The following GABRB3 variants were observed in gnomAD, a reference collection of about 807,000 sequenced individuals.
GABRB3 encodes the protein gamma-aminobutyric acid type A receptor subunit beta3.
A neutral mutation model predicts 52.1 loss-of-function variants in GABRB3; 14 were observed. The ratio of observed to expected loss-of-function variants is 0.27; its 90% confidence interval spans 0.18 to 0.42. The LOEUF is 0.42. Ranked by LOEUF, GABRB3 falls within the 10% of genes least tolerant of loss-of-function variation. The pLI is 1.00. For missense variants in GABRB3, 307 were observed against 609.1 expected (o/e 0.50, Z 5.22); for synonymous variants, 260 against 232.3 (o/e 1.12, Z -1.08).
chr15:26,739,855 G>T (rs995422769), intron 3 of GABRB3, among the ~76,000 whole-genome samples: 1 of 152,120 alleles, frequency 6.6e-6, no homozygotes, highest in Non-Finnish European at 1.5e-5. Flanking sequence ...TTATAAAACA[G>T]AAAACAGGAT....
intron 4 of GABRB3, among the ~76,000 whole-genome samples, chr15:26,606,808 A>ATAGATAGATAGATAGATAGATATATT (rs750566618): frequency 1.2e-5 from 1 of 84,774 alleles, no homozygotes; most frequent in Non-Finnish European, 2.4e-5. Flanking sequence ...ATATATCTAT[A>ATAGATAGATAGATAGATAGATATATT]GATAGATAGA....
intron 7 of GABRB3, among the ~76,000 whole-genome samples, chr15:26,564,097 C>T (rs1388329564): frequency 3.3e-5 from 5 of 152,006 alleles, no homozygotes; most frequent in African/African-American, 7.3e-5. Context: ...AAATCTGGAA[C>T]GTTTTGAGCA....
chr15:26,645,003 T>C (rs943127497), intron 3 of GABRB3, among the ~76,000 whole-genome samples: 7 of 152,208 alleles, frequency 4.6e-5, no homozygotes, highest in African/African-American at 7.2e-5. Flanking sequence ...CAACACTTTT[T>C]GTAAGAGGCT....
At position 26,701,315 on chromosome 15, in the gene GABRB3, C is replaced by G. The variant is rs945345977; in HGVS notation, c.240+71087G>C. 5.2e-4 allele frequency among the ~76,000 whole-genome samples: 79 copies of G among 152,286 alleles called. 1 individual carries two copies. The highest frequency in any genetic ancestry group is 1.7e-3 in the African/African-American group (71 of 41,558). ...CTAGATTGGAAAGGATGGGGCAACA[C>G]TGTCTTTATTCACAGATGACATGAA... On this transcript the variant is annotated intron_variant, in intron 3 of 8. Transcript: ENST00000311550.
intron 3 of GABRB3, among the ~76,000 whole-genome samples, chr15:26,664,237 G>A (rs1327471924): frequency 2.0e-5 from 3 of 152,104 alleles, no homozygotes; most frequent in South Asian, 4.2e-4. Flanking sequence ...TGTAGAGATG[G>A]GGTCTTGCTA....
rs144117756 is a variant in GABRB3 at position 26,570,157 on chromosome 15, G to GT, written c.683-2425dup. On this transcript the variant is annotated intron_variant, in intron 6 of 8. Coordinates refer to ENST00000311550, the MANE Select transcript of GABRB3 (RefSeq NM_000814.6). The stretch of plus-strand genomic sequence containing the variant: ...TGTTAAAACTTGTGTTTAGCCTTAG[G>GT]TAAGTTCACAATACAGATCTACCTG... Among the ~76,000 whole-genome samples, 49 of 152,258 alleles carry GT rather than the reference G, an allele frequency of 3.2e-4. No individual in the cohort carries two copies. The East Asian group carries it at 8.7e-3, about 27-fold the overall frequency.
intron 3 of GABRB3, among the ~76,000 whole-genome samples, chr15:26,685,257 T>C (rs766650186): frequency 6.6e-6 from 1 of 152,196 alleles, no homozygotes; most frequent in African/African-American, 2.4e-5. Context: ...GCTCGTCTTC[T>C]CAGTGTCTGC....
At position 26,773,056 on chromosome 15, in the gene GABRB3, G is replaced by T; in HGVS notation, c.-94C>A. 1.9e-6 allele frequency: 2 copies of T among 1,075,338 alleles called. No homozygotes were observed. The highest frequency in any genetic ancestry group is 2.2e-6 in the Non-Finnish European group (2 of 889,186). 66.6% of individuals were successfully genotyped at this position (1,075,338 alleles called of 1,614,324 possible). On this transcript the variant is annotated 5_prime_UTR_variant, in exon 1 of 9. Transcript: ENST00000311550. Reference sequence around the variant, plus strand: ...TCCTGCTGCTGCCGCCGCCGCCGCCGCCGCCGCGCTGGCCCGGAGCGGAGG... The same window carrying T: ...TCCTGCTGCTGCCGCCGCCGCCGCCTCCGCCGCGCTGGCCCGGAGCGGAGG...
At position 26,635,148 on chromosome 15, in the gene GABRB3, GAT is replaced by G. The variant is rs1893023757; in HGVS notation, c.241-13616_241-13615del. Among the ~76,000 whole-genome samples, 7 of 151,596 alleles carry G rather than the reference GAT, an allele frequency of 4.6e-5. No individual in the cohort carries two copies. In the South Asian group the frequency reaches 1.5e-3, roughly 32 times the overall value. ...CAAAAGGGAATGCAGTGACTCCAGT[GAT>G]ATCATTCTTCCAAAGATGCTCTGAG... On this transcript the variant is annotated intron_variant, in intron 3 of 8. Coordinates refer to ENST00000311550, the MANE Select transcript of GABRB3 (RefSeq NM_000814.6).
intron 3 of GABRB3, among the ~76,000 whole-genome samples, chr15:26,643,008 C>G (rs1427046558): frequency 1.3e-5 from 2 of 152,160 alleles, no homozygotes; most frequent in Non-Finnish European, 2.9e-5. Context: ...TCTCACAAGT[C>G]TTTCCCATCT....
intron 3 of GABRB3, among the ~76,000 whole-genome samples, chr15:26,627,589 G>A (rs1892755472): frequency 6.6e-6 from 1 of 151,898 alleles, no homozygotes; most frequent in Admixed American, 6.6e-5. Flanking sequence ...TGACTTTGAG[G>A]GGTTCAAGTC....
chr15:26,606,805 T>TAGAG (rs1398253433), intron 4 of GABRB3, among the ~76,000 whole-genome samples: 1 of 117,950 alleles, frequency 8.5e-6, no homozygotes, highest in Admixed American at 8.8e-5. Flanking sequence ...TAGATATATC[T>TAGAG]ATAGATAGAT....
intron 3 of GABRB3, among the ~76,000 whole-genome samples, chr15:26,769,133 T>C: frequency 6.6e-6 from 1 of 152,220 alleles, no homozygotes; most frequent in East Asian, 1.9e-4. Flanking sequence ...GTATTATCTG[T>C]TACTGTTCTC....
At chr15:26,640,116 C>T (rs28661140) in intron 3 of GABRB3, among the ~76,000 whole-genome samples, 2 of 152,206 alleles carry the variant, frequency 1.3e-5, no homozygotes, top group African/African-American at 4.8e-5. Flanking sequence ...TCACACTATT[C>T]ATATTCAAAT....
chr15:26,599,455 C>A (rs996700610), intron 4 of GABRB3, among the ~76,000 whole-genome samples: 6 of 151,922 alleles, frequency 3.9e-5, no homozygotes, highest in African/African-American at 1.4e-4. Flanking sequence ...AGCAAAAGGG[C>A]CCAGCCAGGG....
chr15:26,693,062 C>T (rs866285875), intron 3 of GABRB3, among the ~76,000 whole-genome samples: 1 of 152,146 alleles, frequency 6.6e-6, no homozygotes, highest in African/African-American at 2.4e-5. Context: ...CAGGCTCAGA[C>T]GTCTTTCAAA....
At chr15:26,671,114 T>G (rs1887886017) in intron 3 of GABRB3, among the ~76,000 whole-genome samples, 1 of 152,180 alleles carries the variant, frequency 6.6e-6, no homozygotes, top group African/African-American at 2.4e-5. Flanking sequence ...TACTGTGATG[T>G]GTAAAGAAAT....
intron 3 of GABRB3, among the ~76,000 whole-genome samples, chr15:26,764,117 T>A (rs1421805570): frequency 7.5e-6 from 1 of 133,194 alleles, no homozygotes; most frequent in African/African-American, 3.0e-5. Context: ...ACCATTGCAC[T>A]CCAGCCTGGG....
At chr15:26,692,033 A>C (rs1469833491) in intron 3 of GABRB3, among the ~76,000 whole-genome samples, 1 of 152,234 alleles carries the variant, frequency 6.6e-6, no homozygotes, top group Non-Finnish European at 1.5e-5. Flanking sequence ...GCCACAAATC[A>C]GTCTATAGTA....
Sources: gnomAD v4.1 joint callset for allele counts (sites outside exome capture counted in the v4.1 genomes callset) on GRCh38, gnomAD v4.1.1 for gene constraint, MANE v1.5 for transcripts, NCBI Gene and HGNC (gene_info 2026-07-23, HGNC 2026-07-21) for gene names.